Variants in CNBD1 observed in about 807,000 individuals in gnomAD.
CNBD1 encodes cyclic nucleotide binding domain containing 1.
Under a neutral mutation model 54.4 loss-of-function variants are expected in CNBD1, and 71 were observed. The ratio of observed to expected loss-of-function variants is 1.30; its 90% CI spans 1.08 to 1.59. The LOEUF is 1.59. Ranked by LOEUF, CNBD1 falls within the 40% of genes most tolerant of loss-of-function variation. The pLI, the probability that CNBD1 is intolerant of heterozygous loss-of-function variation, is 0.00. For synonymous variants in CNBD1, 182 were observed against 170.7 expected, an observed-to-expected ratio of 1.07 and a Z score of -0.51; for missense variants, 659 against 518.0, an observed-to-expected ratio of 1.27 and a Z score of -2.64.
chr8:87,169,700 T>A (rs1016314593), intron 4 of CNBD1, among the ~76,000 whole-genome samples: 1 of 151,994 alleles, frequency 6.6e-6, no homozygotes, highest in East Asian at 1.9e-4. Flanking sequence ...ACACCTTTAT[T>A]GATTATGAAT....
intron 4 of CNBD1, among the ~76,000 whole-genome samples, chr8:87,072,298 T>C (rs1021234526): frequency 6.6e-6 from 1 of 152,170 alleles, no homozygotes; most frequent in Admixed American, 6.5e-5. Context: ...AGTTGTCCTA[T>C]TTACATATAA....
intron 4 of CNBD1, among the ~76,000 whole-genome samples, chr8:87,169,493 C>G (rs894221063): frequency 6.6e-6 from 1 of 152,074 alleles, no homozygotes; most frequent in African/African-American, 2.4e-5. Context: ...ACCCTAACCT[C>G]CTCGAGATTT....
chr8:87,392,730 C>T (rs971657383), intron 2 of CNBD1, among the ~76,000 whole-genome samples: 10 of 151,800 alleles, frequency 6.6e-5, no homozygotes, highest in Admixed American at 5.9e-4. Context: ...AAATTAGATT[C>T]CAGTGATGAT....
intron 2 of CNBD1, among the ~76,000 whole-genome samples, chr8:87,422,219 T>C (rs1430001148): frequency 6.8e-6 from 1 of 147,768 alleles, no homozygotes; most frequent in Non-Finnish European, 1.5e-5. Context: ...TCCCATTTTG[T>C]AGGTTGCCTG....
chr8:87,216,628 A>G (rs1041897830), intron 5 of CNBD1, among the ~76,000 whole-genome samples: 1 of 152,148 alleles, frequency 6.6e-6, no homozygotes, highest in Non-Finnish European at 1.5e-5. Flanking sequence ...GATAAAGCTC[A>G]CTGTCCCTTT....
At chr8:87,101,301 TG>T (rs1361886896) in intron 4 of CNBD1, among the ~76,000 whole-genome samples, 4 of 152,122 alleles carry the variant, frequency 2.6e-5, no homozygotes, top group Non-Finnish European at 5.9e-5. Context: ...ATAATTATAG[TG>T]AATGAACAGG....
At chr8:87,342,498 G>A (rs1224664085) in intron 8 of CNBD1, among the ~76,000 whole-genome samples, 1 of 152,054 alleles carries the variant, frequency 6.6e-6, no homozygotes, top group African/African-American at 2.4e-5. Context: ...TGAAAATAAT[G>A]TAAACATTAT....
intron 8 of CNBD1, among the ~76,000 whole-genome samples, chr8:87,341,577 G>A (rs754974586): frequency 2.0e-5 from 3 of 152,210 alleles, no homozygotes; most frequent in Non-Finnish European, 2.9e-5. Context: ...ATAGTATTAA[G>A]AGGTGGAATG....
At chr8:86,979,464 C>T (rs1808422986) in intron 4 of CNBD1, among the ~76,000 whole-genome samples, 1 of 149,102 alleles carries the variant, frequency 6.7e-6, no homozygotes, top group South Asian at 2.1e-4. Context: ...GTGGCACTCA[C>T]CAGTTAATAC....
At chr8:87,148,252 T>G (rs1345749579) in intron 4 of CNBD1, among the ~76,000 whole-genome samples, 1 of 152,198 alleles carries the variant, frequency 6.6e-6, no homozygotes, top group Non-Finnish European at 1.5e-5. Context: ...GGTTTCATCT[T>G]AGGTAGTAGT....
downstream of CNBD1, among the ~76,000 whole-genome samples, chr8:87,384,507 C>T (rs925717611): frequency 2.6e-5 from 4 of 152,010 alleles, no homozygotes; most frequent in African/African-American, 9.7e-5. Context: ...GGGATCAAGG[C>T]GGATCTCAGT....
At chr8:87,385,626 G>A (rs1811167272), downstream of CNBD1, among the ~76,000 whole-genome samples, 2 of 152,070 alleles carry the variant, frequency 1.3e-5, no homozygotes, top group South Asian at 2.1e-4. Flanking sequence ...TGGGAAGCTG[G>A]AACTGGGTGG....
At chr8:87,107,774 A>G (rs919255811) in intron 4 of CNBD1, among the ~76,000 whole-genome samples, 6 of 152,156 alleles carry the variant, frequency 3.9e-5, no homozygotes, top group African/African-American at 2.4e-5. Context: ...GTATCTGACC[A>G]ATGGCACTAG....
chr8:87,251,421 T>A (rs1431349344), intron 6 of CNBD1, among the ~76,000 whole-genome samples: 1 of 151,886 alleles, frequency 6.6e-6, no homozygotes, highest in Non-Finnish European at 1.5e-5. Flanking sequence ...ACCCCATCTC[T>A]ACTAAAAATA....
In CNBD1 at chr8:87,033,847, A is replaced by G. The variant is rs1260096687; in HGVS notation, c.431+94093A>G. Among the ~76,000 whole-genome samples the G allele has an allele frequency of 3.3e-5, 5 of 152,268 alleles. No individual in the cohort carries two copies. The East Asian group carries it at 7.7e-4, about 24-fold the overall frequency. On this transcript the variant is annotated intron_variant, in intron 4 of 10. Coordinates refer to ENST00000518476, the MANE Select transcript of CNBD1 (RefSeq NM_173538.3). ...TTTAAGCCAAACCTCTTTCTAAAAT[A>G]TCAAACCATCCTTTGCTGGCATTAT...
intron 2 of CNBD1, among the ~76,000 whole-genome samples, chr8:87,410,309 G>C (rs1807719966): frequency 6.6e-6 from 1 of 152,080 alleles, no homozygotes; most frequent in African/African-American, 2.4e-5. Context: ...ATTTCATTAG[G>C]ATATAGCTCC....
intron 4 of CNBD1, among the ~76,000 whole-genome samples, chr8:87,160,906 CA>C (rs1205868757): frequency 2.0e-5 from 3 of 152,050 alleles, no homozygotes; most frequent in Non-Finnish European, 4.4e-5. Flanking sequence ...TTTGGAACTA[CA>C]ACAGGGTGTA....
At chr8:87,078,958 A>G (rs1810930679) in intron 4 of CNBD1, among the ~76,000 whole-genome samples, 1 of 152,122 alleles carries the variant, frequency 6.6e-6, no homozygotes, top group Non-Finnish European at 1.5e-5. Context: ...CACCACCAAT[A>G]TTAGACAAAA....
intron 3 of CNBD1, among the ~76,000 whole-genome samples, chr8:86,938,722 C>T (rs1229772180): frequency 6.6e-6 from 1 of 152,138 alleles, no homozygotes; most frequent in East Asian, 1.9e-4. Flanking sequence ...ATGGGAGCTA[C>T]AATTCAAGAT....
Sources: gnomAD v4.1 joint callset for allele counts (sites outside exome capture counted in the v4.1 genomes callset) on GRCh38, gnomAD v4.1.1 for gene constraint, MANE v1.5 for transcripts, NCBI Gene and HGNC (gene_info 2026-07-23, HGNC 2026-07-21) for gene names.